The following WDR4 variants were observed in gnomAD, a reference collection of about 807,000 sequenced individuals.
WDR4 encodes tRNA (guanine-N(7)-)-methyltransferase non-catalytic subunit WDR4.
In WDR4, 47 loss-of-function variants were observed where a neutral mutation model predicts 48.6. The ratio of observed to expected loss-of-function variants is 0.97; its 90% CI spans 0.77 to 1.23. The LOEUF (loss-of-function observed/expected upper bound fraction) is 1.23, where lower values mean the gene tolerates loss of function less well. WDR4 is among the 50% of genes most tolerant of loss of function. WDR4 has a pLI of 0.00. For missense variants in WDR4, 606 were observed against 551.6 expected, an observed-to-expected ratio of 1.10 and a Z score of -0.99; for synonymous variants, 268 against 230.0, an observed-to-expected ratio of 1.17 and a Z score of -1.49.
chr21:42,863,497 C>G lies in WDR4; in HGVS notation c.396G>C (p.Leu132=), dbSNP rs1293897359. ...CTAGACGGCCACACCCGTGTGGCTC[C>G]AGCACCGAAAAGGAGTAGACGTCTC... ...KSGDVYSFSV[L]EPHGCGRLEL... The change falls in exon 4 of 11, where the codon CTG becomes CTC. Residue 132 remains leucine, a synonymous_variant. Coordinates refer to ENST00000398208, the MANE Select transcript of WDR4 (RefSeq NM_018669.6). 2 of 1,613,968 alleles carry G rather than the reference C, an allele frequency of 1.2e-6. No homozygotes were observed. Among genetic ancestry groups the G allele is most frequent in the Non-Finnish European group, 1.7e-6 (2 of 1,180,010 alleles).
upstream of WDR4, chr21:42,879,755 A>G (rs1377630890): frequency 8.2e-6 from 4 of 487,154 alleles, no homozygotes. Context: ...CACGATTCCA[A>G]GTACTTGCCT....
chr21:42,843,985 T>C (rs919608639), intron 11 of WDR4, among the ~76,000 whole-genome samples: 5 of 152,188 alleles, frequency 3.3e-5, no homozygotes, highest in African/African-American at 1.2e-4. Context: ...GCCGCCAGCC[T>C]AGCTGGAAGA....
At chr21:42,892,580 G>C in the WDR4 span, among the ~76,000 whole-genome samples, 1 of 152,086 alleles carries the variant, frequency 6.6e-6, no homozygotes. Flanking sequence ...GTCCATCTCC[G>C]ATGAAATGCG....
intron 9 of WDR4, among the ~76,000 whole-genome samples, chr21:42,852,947 C>T (rs930665741): frequency 6.6e-6 from 1 of 151,708 alleles, no homozygotes; most frequent in Non-Finnish European, 1.5e-5. Context: ...CCAAAGTGCT[C>T]AACTGAGCTT....
intron 6 of WDR4, 50 bp downstream of exon 6, chr21:42,859,612 C>A: frequency 2.6e-6 from 2 of 772,112 alleles, no homozygotes; most frequent in South Asian, 1.8e-5. Flanking sequence ...CCCCACCCTC[C>A]CTGCAGGCTC....
In WDR4 at chr21:42,879,422, G is replaced by A. The variant is rs560757919; in HGVS notation, c.74C>T (p.Thr25Ile). 6.2e-7 allele frequency: 1 copy of A among 1,613,884 alleles called. No individual in the cohort carries two copies. Among genetic ancestry groups the A allele is most frequent in the East Asian group, 2.2e-5 (1 of 44,868 alleles). The part of the protein sequence containing the change: ...VVRGGSRFLA[T>I]SIASSDDDSL... Reference sequence around the variant, plus strand: ...GCCCCCTCACCTGCTTGCTATGGAGGTGGCCAGGAATCGGCTGCCGCCCCG... The same window carrying A: ...GCCCCCTCACCTGCTTGCTATGGAGATGGCCAGGAATCGGCTGCCGCCCCG... Residue 25 changes from threonine (T) to isoleucine (I), a missense_variant, in exon 1 of 11, where the codon ACC becomes ATC. Thr to Ile is a moderately conservative substitution (Grantham distance 89). Coordinates refer to ENST00000398208, the MANE Select transcript of WDR4 (RefSeq NM_018669.6).
chr21:42,877,953 G>A (rs2058536315), intron 1 of WDR4, among the ~76,000 whole-genome samples: 1 of 150,068 alleles, frequency 6.7e-6, no homozygotes, highest in South Asian at 2.1e-4. Flanking sequence ...GCTGAGGCAG[G>A]AGAATGGCGT....
downstream of WDR4, among the ~76,000 whole-genome samples, chr21:42,845,393 TC>T (rs1356238453): frequency 1.3e-5 from 2 of 152,232 alleles, no homozygotes; most frequent in African/African-American, 4.8e-5. Context: ...AAGCTCTCCT[TC>T]CCGGAGGGGC....
intron 1 of WDR4, among the ~76,000 whole-genome samples, chr21:42,878,249 C>G (rs2058546417): frequency 6.6e-6 from 1 of 152,084 alleles, no homozygotes; most frequent in African/African-American, 2.4e-5. Context: ...CCATCCTCAC[C>G]CCCTGGCACG....
At position 42,863,469 on chromosome 21, in the gene WDR4, G is replaced by A. The variant is rs1405508834; in HGVS notation, c.424C>T (p.Leu142=). 1.9e-6 allele frequency: 3 copies of A among 1,613,370 alleles called. No homozygotes were observed. Among genetic ancestry groups the A allele is most frequent in the Non-Finnish European group, 2.5e-6 (3 of 1,179,784 alleles). The part of the protein sequence containing the change: ...LEPHGCGRLE[L]GHLSMLLDVA... ...TCTAACAGCATAGACAGGTGCCCCA[G>A]CTCTAGACGGCCACACCCGTGTGGC... Residue 142 remains leucine (L), a synonymous_variant, in exon 4 of 11, where the codon CTG becomes TTG. Coordinates refer to ENST00000398208, the MANE Select transcript of WDR4 (RefSeq NM_018669.6).
Position 42,853,603 on chromosome 21 carries a change from AG to A in WDR4, c.940del (p.Leu314TrpfsTer20), listed in dbSNP as rs776760122. The A allele has an allele frequency of 1.2e-6, 2 of 1,610,712 alleles. No homozygotes were observed. The highest frequency in any genetic ancestry group is 1.3e-5 in the African/African-American group (1 of 75,038). ...GTCGCCCACAGGCCTGTAGAGCACCAGGGGGGCTTCCTGGCAGTCCTGGAGC... is the reference window on the plus strand; with the variant it reads ...GTCGCCCACAGGCCTGTAGAGCACCAGGGGGCTTCCTGGCAGTCCTGGAGC... ...WVLQDCQEAP[L>X]VLYRPVGDQW... is the part of the protein sequence containing the mutation. On this transcript the variant is annotated frameshift_variant, in exon 9 of 11. Transcript: ENST00000398208. LOFTEE classifies it high-confidence loss of function.
intron 9 of WDR4, among the ~76,000 whole-genome samples, chr21:42,853,222 G>C (rs1041374664): frequency 6.6e-6 from 1 of 152,112 alleles, no homozygotes; most frequent in Non-Finnish European, 1.5e-5. Flanking sequence ...CCCCAGGCCC[G>C]AGGCTGTGCT....
the WDR4 span, among the ~76,000 whole-genome samples, chr21:42,884,832 A>G: frequency 6.6e-6 from 1 of 151,938 alleles, no homozygotes; most frequent in Non-Finnish European, 1.5e-5. Flanking sequence ...TCTGAAGTGC[A>G]ATGGTGCAAT....
intron 6 of WDR4, among the ~76,000 whole-genome samples, chr21:42,857,651 T>G (rs192972447): frequency 9.3e-4 from 141 of 152,132 alleles, no homozygotes; most frequent in African/African-American, 3.2e-3. Flanking sequence ...AAAAAGAACG[T>G]GCCGAGGGCA....
chr21:42,852,893 C>G (rs968823791), intron 9 of WDR4, among the ~76,000 whole-genome samples: 2 of 143,138 alleles, frequency 1.4e-5, no homozygotes, highest in African/African-American at 5.5e-5. Context: ...CCAGCCTGGG[C>G]AACACGAGCA....
the WDR4 span, among the ~76,000 whole-genome samples, chr21:42,888,910 G>C: frequency 3.2e-4 from 48 of 151,444 alleles, no homozygotes; most frequent in African/African-American, 1.1e-3. Flanking sequence ...CACCACGTTG[G>C]CCAGGCTGGT....
chr21:42,859,572 T>TCCACAGGGGCCAGCGAC (rs2058068578), intron 6 of WDR4, 90 bp downstream of exon 6: 3 of 1,385,656 alleles, frequency 2.2e-6, no homozygotes, highest in South Asian at 2.5e-5. Context: ...GGGCCAGCGA[T>TCCACAGGGGCCAGCGAC]CCACAGGGGC....
At chr21:42,859,868 AGCTGTTAACCCTAACCTGGTTAGG>A in intron 5 of WDR4, 146 bp from the exon 6 acceptor site, 1 of 837,572 alleles carries the variant, frequency 1.2e-6, no homozygotes, top group Non-Finnish European at 1.9e-6. Context: ...CATGGGAAGT[AGCTGTTAACCCTAACCTGGTTAGG>A]GTTAACCAGG....
intron 5 of WDR4, among the ~76,000 whole-genome samples, chr21:42,860,234 C>T (rs180791545): frequency 3.3e-5 from 5 of 152,322 alleles, no homozygotes; most frequent in Admixed American, 3.3e-4. Flanking sequence ...AGGGTCCTGA[C>T]GGCCCCTCAG....
Sources: allele counts gnomAD v4.1 joint callset (sites outside exome capture counted in the v4.1 genomes callset), GRCh38; gene constraint gnomAD v4.1.1; transcripts MANE v1.5; gene names NCBI Gene and HGNC (gene_info 2026-07-23, HGNC 2026-07-21).